Variants in ESCO2 observed in about 807,000 individuals in gnomAD.
The protein encoded by ESCO2 is establishment of sister chromatid cohesion N-acetyltransferase 2, also known as N-acetyltransferase ESCO2.
A neutral mutation model predicts 61.7 loss-of-function variants in ESCO2; 51 were observed. That is an observed-to-expected ratio of 0.83 (90% confidence interval 0.66 to 1.04). ESCO2 has a LOEUF of 1.04. ESCO2 is among the 50% of genes least tolerant of loss of function. The pLI, the probability that ESCO2 is intolerant of heterozygous loss-of-function variation, is 0.00. For synonymous variants in ESCO2, 230 were observed against 238.2 expected (o/e 0.97, Z 0.32); for missense variants, 692 against 686.2 (o/e 1.01, Z -0.09).
At chr8:27,778,285 G>T (rs1375545061) in intron 3 of ESCO2, 1 of 152,014 alleles carries the variant, frequency 6.6e-6, no homozygotes, top group African/African-American at 2.4e-5. Flanking sequence ...TGCTGCCCTT[G>T]TAAGGCATTT....
chr8:27,784,165 T>C (rs1804986138), intron 5 of ESCO2, 108 bp downstream of exon 5: 2 of 980,712 alleles, frequency 2.0e-6, no homozygotes, highest in Admixed American at 2.0e-5. Context: ...TTTTTCTTCC[T>C]CACTAAGGGG....
upstream of ESCO2, chr8:27,772,364 G>A: frequency 2.7e-6 from 2 of 731,100 alleles, no homozygotes; most frequent in Admixed American, 4.7e-5. Flanking sequence ...GGGAGGGACG[G>A]ATGTGCTGGG....
chr8:27,772,865 T>A (rs1454401438), upstream of ESCO2, among the ~76,000 whole-genome samples: 2 of 152,106 alleles, frequency 1.3e-5, no homozygotes, highest in Non-Finnish European at 2.9e-5. Flanking sequence ...TCACAGGATA[T>A]TTTTTAGGGT....
downstream of ESCO2, chr8:27,812,624 G>GAAAAAA (rs34477454): frequency 8.0e-6 from 1 of 124,632 alleles, no homozygotes; most frequent in Non-Finnish European, 1.7e-5. Flanking sequence ...AAATTTACAA[G>GAAAAAA]AAAAAAAAAA....
intron 5 of ESCO2, among the ~76,000 whole-genome samples, chr8:27,785,699 CA>C (rs567532485): frequency 4.8e-3 from 473 of 98,512 alleles, no homozygotes; most frequent in Middle Eastern, 0.017. Context: ...GATTCCATCT[CA>C]AAAAAAAAAA....
downstream of ESCO2, among the ~76,000 whole-genome samples, chr8:27,805,522 T>C (rs187775996): frequency 1.1e-4 from 17 of 152,178 alleles, no homozygotes; most frequent in East Asian, 3.1e-3. Flanking sequence ...TGTTTGTTTG[T>C]TTTGTTTTTA....
At chr8:27,788,716 A>G in intron 6 of ESCO2, 131 bp from the exon 7 acceptor site, 1 of 1,105,046 alleles carries the variant, frequency 9.0e-7, no homozygotes, top group South Asian at 1.3e-5. Context: ...CCAGATTTTC[A>G]TTTAGTTTTT....
In ESCO2 at chr8:27,784,087, G is replaced by A. The variant is rs567185372; in HGVS notation, c.1013+30G>A. ...GAATTGTTATTGTTTTAAAGTCCAA[G>A]CCTTGTAAATTATACAGTTCCTCTG... On this transcript the variant is annotated intron_variant, in intron 5 of 10. Coordinates refer to ENST00000305188, the MANE Select transcript of ESCO2 (RefSeq NM_001017420.3). 2.5e-6 allele frequency: 4 copies of A among 1,604,592 alleles called. 1 individual carries two copies. In the East Asian group the frequency reaches 6.7e-5, roughly 27 times the overall value.
rs1305919031 is a variant in ESCO2 at position 27,801,145 on chromosome 8, C to CA, written c.1673+1430dup. On this transcript the variant is annotated intron_variant, in intron 10 of 10. Coordinates refer to ENST00000305188, the MANE Select transcript of ESCO2 (RefSeq NM_001017420.3). ...TGTCCAGTTTTAATTCCCATGTACACACTTTGAACTGACACTATGTATTGA... is the reference window on the plus strand; with the variant it reads ...TGTCCAGTTTTAATTCCCATGTACACAACTTTGAACTGACACTATGTATTGA... Among the ~76,000 whole-genome samples, 8 of 152,292 alleles carry CA rather than the reference C, an allele frequency of 5.3e-5. No homozygotes were observed. In the East Asian group the frequency reaches 1.5e-3, roughly 29 times the overall value.
chr8:27,809,935 C>G (rs1285827555), downstream of ESCO2: 1 of 206,290 alleles, frequency 4.8e-6, no homozygotes, highest in African/African-American at 2.4e-5. Context: ...TTGTACTGTA[C>G]AAAGTGCTAA....
chr8:27,809,846 AT>A (rs1367737506), downstream of ESCO2: 2 of 154,510 alleles, frequency 1.3e-5, no homozygotes, highest in African/African-American at 4.8e-5. Context: ...TTTGAGGCAT[AT>A]TCTCCTCAGC....
Position 27,776,977 on chromosome 8 carries a change from C to T in ESCO2, c.669C>T (p.Ser223=). 1.2e-6 allele frequency: 2 copies of T among 1,613,014 alleles called. No individual in the cohort carries two copies. Among genetic ancestry groups the T allele is most frequent in the Non-Finnish European group, 1.7e-6 (2 of 1,179,730 alleles). Residue 223 remains serine, a synonymous_variant, in exon 3 of 11, where the codon TCC becomes TCT. Coordinates refer to ENST00000305188, the MANE Select transcript of ESCO2 (RefSeq NM_001017420.3). The part of the protein sequence containing the change: ...VRKKSSLRKS[S]LENEPSLGRT... ...AAAAATCTTCTCTTAGAAAATCGTC[C>T]CTGGAAAATGAGCCGTCACTGGGAC...
chr8:27,812,850 G>T (rs1298898916), downstream of ESCO2, among the ~76,000 whole-genome samples: 1 of 152,140 alleles, frequency 6.6e-6, no homozygotes, highest in Non-Finnish European at 1.5e-5. Context: ...GGAGAAATAG[G>T]AATGCTTTTA....
rs143275597 is a variant in ESCO2, at chr8:27,783,439, A to AT, written c.956-555dup. Among the ~76,000 whole-genome samples, 486 of 152,146 alleles carry AT rather than the reference A, an allele frequency of 3.2e-3. 8 individuals carry two copies. The highest frequency in any genetic ancestry group is 0.011 in the African/African-American group (462 of 41,508). On this transcript the variant is annotated intron_variant, in intron 4 of 10. Coordinates refer to ENST00000305188, the MANE Select transcript of ESCO2 (RefSeq NM_001017420.3). ...TGTGGCTTACCTTTTCATTCTCTTTATTTTTTGTAGAGCAAAATTTTTTAA... is the reference window on the plus strand; with the variant it reads ...TGTGGCTTACCTTTTCATTCTCTTTATTTTTTTGTAGAGCAAAATTTTTTAA...
downstream of ESCO2, among the ~76,000 whole-genome samples, chr8:27,807,312 A>G (rs989580215): frequency 6.6e-6 from 1 of 152,174 alleles, no homozygotes; most frequent in Admixed American, 6.5e-5. Flanking sequence ...GAAGCTCTCA[A>G]ACATCTTGAA....
chr8:27,790,931 A>G (rs1013575236), intron 7 of ESCO2, among the ~76,000 whole-genome samples: 3 of 152,196 alleles, frequency 2.0e-5, no homozygotes, highest in Admixed American at 6.5e-5. Flanking sequence ...TTCATACTGT[A>G]TAGTTAGGTA....
At chr8:27,791,252 A>T (rs1001845468) in intron 7 of ESCO2, among the ~76,000 whole-genome samples, 5 of 152,126 alleles carry the variant, frequency 3.3e-5, no homozygotes, top group Non-Finnish European at 5.9e-5. Context: ...TAGTTTTGTC[A>T]TGGATCTTAT....
intron 10 of ESCO2, 138 bp downstream of exon 10, chr8:27,799,854 T>C: frequency 9.5e-7 from 1 of 1,049,166 alleles, no homozygotes; most frequent in East Asian, 2.5e-5. Flanking sequence ...AAGGAAGGTA[T>C]TGGTACTAGA....
At chr8:27,813,426 C>T (rs868530814), downstream of ESCO2, among the ~76,000 whole-genome samples, 4 of 152,144 alleles carry the variant, frequency 2.6e-5, no homozygotes, top group African/African-American at 9.7e-5. Flanking sequence ...CAAACCTGCA[C>T]ATTGTGCACA....
Sources: gnomAD v4.1 joint callset for allele counts (sites outside exome capture counted in the v4.1 genomes callset) on GRCh38, gnomAD v4.1.1 for gene constraint, MANE v1.5 for transcripts, NCBI Gene and HGNC (gene_info 2026-07-23, HGNC 2026-07-21) for gene names.